The following USP49 variants were observed in gnomAD, a reference collection of about 807,000 sequenced individuals.
USP49 encodes ubiquitin carboxyl-terminal hydrolase 49.
A neutral mutation model predicts 58.6 loss-of-function variants in USP49; 24 were observed. The observed-to-expected ratio is 0.41, with a 90% CI of 0.30 to 0.58. The LOEUF (loss-of-function observed/expected upper bound fraction) is 0.58, where lower values mean the gene tolerates loss of function less well. Ranked by LOEUF, USP49 falls within the 20% of genes least tolerant of loss-of-function variation. The pLI, the probability that USP49 is intolerant of heterozygous loss-of-function variation, is 0.30. For synonymous variants in USP49, 408 were observed against 365.1 expected, an observed-to-expected ratio of 1.12 and a Z score of -1.34; for missense variants, 703 against 866.1, an observed-to-expected ratio of 0.81 and a Z score of 2.36.
Position 41,835,037 on chromosome 6 carries a change from G to A in USP49, c.-28-28026C>T, listed in dbSNP as rs78994491. ...AAAGAAGACTGATGATTCTTAAGGA[G>A]ATGAATCACTCTAAGCCCAAACCAC... On this transcript the variant is annotated intron_variant, in intron 3 of 7. Coordinates refer to ENST00000682992, the MANE Select transcript of USP49 (RefSeq NM_001286554.2). 4.7e-3 allele frequency among the ~76,000 whole-genome samples: 710 copies of A among 152,294 alleles called. 6 individuals carry two copies. The highest frequency in any genetic ancestry group is 0.02 in the Middle Eastern group (6 of 294).
chr6:41,830,433 C>T (rs1053838092), intron 3 of USP49, among the ~76,000 whole-genome samples: 1 of 152,172 alleles, frequency 6.6e-6, no homozygotes, highest in Admixed American at 6.5e-5. Context: ...TTAACCCCTA[C>T]AGAAATTCCA....
chr6:41,862,662 T>C (rs1774243396), intron 3 of USP49, among the ~76,000 whole-genome samples: 1 of 152,088 alleles, frequency 6.6e-6, no homozygotes, highest in Non-Finnish European at 1.5e-5. Flanking sequence ...TAATAGTGTA[T>C]GATATGTTTA....
chr6:41,810,129 G>GC (rs1405736179), intron 3 of USP49, among the ~76,000 whole-genome samples: 1 of 151,124 alleles, frequency 6.6e-6, no homozygotes, highest in Non-Finnish European at 1.5e-5. Flanking sequence ...TTCAGCCTGG[G>GC]CGACAGAGCA....
chr6:41,880,908 A>G (rs544875974), intron 2 of USP49, among the ~76,000 whole-genome samples: 18 of 152,102 alleles, frequency 1.2e-4, no homozygotes, highest in African/African-American at 4.1e-4. Flanking sequence ...AAGAACCTAC[A>G]CAGATTTTTA....
At chr6:41,818,922 G>C (rs1053670422) in intron 3 of USP49, among the ~76,000 whole-genome samples, 7 of 152,048 alleles carry the variant, frequency 4.6e-5, no homozygotes, top group African/African-American at 1.7e-4. Flanking sequence ...TGTACAATGA[G>C]ACTTACACAA....
rs368543169 is a variant in USP49 at position 41,792,421 on chromosome 6, G to A, written c.*4112C>T. 6.6e-6 allele frequency: 1 copy of A among 152,156 alleles called. No homozygotes were observed. The highest frequency in any genetic ancestry group is 2.4e-5 in the African/African-American group (1 of 41,438). The allele number at this position is 152,156 out of a possible 1,614,324, so 9.4% of individuals were successfully genotyped here. ...TCATTGTTTTGATAAAGACTAAAAGGCCTTTTCTCAACATTTGTGCTCTCC... is the reference window on the plus strand; with the variant it reads ...TCATTGTTTTGATAAAGACTAAAAGACCTTTTCTCAACATTTGTGCTCTCC... On this transcript the variant is annotated 3_prime_UTR_variant, in exon 8 of 8. Coordinates refer to ENST00000682992, the MANE Select transcript of USP49 (RefSeq NM_001286554.2).
intron 3 of USP49, among the ~76,000 whole-genome samples, chr6:41,828,578 AT>A (rs1773582511): frequency 6.6e-6 from 1 of 152,182 alleles, no homozygotes; most frequent in South Asian, 2.1e-4. Flanking sequence ...GCTGTTTTAT[AT>A]TTTTCATATT....
intron 2 of USP49, among the ~76,000 whole-genome samples, chr6:41,890,317 T>A (rs954234104): frequency 7.3e-5 from 11 of 150,700 alleles, no homozygotes; most frequent in African/African-American, 2.4e-4. Context: ...AGGCGGAGGT[T>A]GTAGTGAGCC....
chr6:41,860,355 A>C lies in USP49; in HGVS notation c.-29+11209T>G, dbSNP rs9471681. Among the ~76,000 whole-genome samples the C allele has an allele frequency of 6.4e-3, 969 of 152,292 alleles. 8 individuals are homozygous for C. The highest frequency in any genetic ancestry group is 0.02 in the African/African-American group (846 of 41,562). ...AATAATCAACTAATTGCAACATTTG[A>C]ACTTTACTGGAATCCTAATTCAAAT... On this transcript the variant is annotated intron_variant, in intron 3 of 7. Coordinates refer to ENST00000682992, the MANE Select transcript of USP49 (RefSeq NM_001286554.2).
intron 3 of USP49, among the ~76,000 whole-genome samples, chr6:41,862,664 A>T (rs1265131822): frequency 6.6e-6 from 1 of 152,144 alleles, no homozygotes; most frequent in Non-Finnish European, 1.5e-5. Context: ...ATAGTGTATG[A>T]TATGTTTACA....
chr6:41,849,657 G>A (rs1374563120), intron 3 of USP49, among the ~76,000 whole-genome samples: 4 of 151,332 alleles, frequency 2.6e-5, no homozygotes, highest in East Asian at 3.9e-4. Flanking sequence ...TGCCAGGCTG[G>A]AGTGCAGTGG....
intron 7 of USP49, chr6:41,798,507 C>A: frequency 7.3e-7 from 1 of 1,365,772 alleles, no homozygotes; most frequent in Middle Eastern, 2.4e-4. Context: ...AACTCCTGAC[C>A]TCAGGTGATC....
At chr6:41,834,010 C>T (rs1189643035) in intron 3 of USP49, among the ~76,000 whole-genome samples, 1 of 152,186 alleles carries the variant, frequency 6.6e-6, no homozygotes, top group Non-Finnish European at 1.5e-5. Context: ...TTAAACAAAG[C>T]TTTCACCTGT....
Position 41,797,763 on chromosome 6 carries a change from T to G in USP49, c.1876+961A>C, listed in dbSNP as rs370368214. Reference sequence around the variant, plus strand: ...AGAAGGAAACTGGGGTGTGCAGAAGTAGCATTACCACAAAACAGTAATATT... The same window carrying G: ...AGAAGGAAACTGGGGTGTGCAGAAGGAGCATTACCACAAAACAGTAATATT... On this transcript the variant is annotated intron_variant, in intron 7 of 7. Coordinates refer to ENST00000682992, the MANE Select transcript of USP49 (RefSeq NM_001286554.2). 5.5e-5 allele frequency: 54 copies of G among 985,898 alleles called. No homozygotes were observed. The Middle Eastern group carries it at 1.6e-3, about 29-fold the overall frequency. 61.1% of individuals were successfully genotyped at this position (985,898 alleles called of 1,614,324 possible). A position where few individuals can be genotyped will look rare whatever the true frequency, so the allele number is the denominator to read the frequency against.
At position 41,803,825 on chromosome 6, in the gene USP49, G is replaced by A. The variant is rs1467836837; in HGVS notation, c.1542C>T (p.Tyr514=). The change falls in exon 5 of 8, where the codon TAC becomes TAT. Residue 514 remains tyrosine (Y), a synonymous_variant. Transcript: ENST00000682992. The surrounding 1 kb of genome is among the most constrained non-coding windows in gnomAD (Gnocchi z 4.1). ...ACTCACTGTTACACTGGTCACAAGC[G>A]TAGATTCTCCCTTCCAGGGCCTCTG... ...TETEALEGRI[Y]ACDQCNSKRR... is the part of the protein sequence containing the mutation. 1 of 1,614,146 alleles carries A rather than the reference G, an allele frequency of 6.2e-7. No individual in the cohort carries two copies. Among genetic ancestry groups the A allele is most frequent in the Non-Finnish European group, 8.5e-7 (1 of 1,180,006 alleles).
Position 41,790,757 on chromosome 6 carries a change from A to G in USP49, c.*5776T>C, listed in dbSNP as rs1581983550. The G allele has an allele frequency of 2.0e-5, 3 of 152,328 alleles. No individual in the cohort carries two copies. The highest frequency in any genetic ancestry group is 6.8e-3 in the Middle Eastern group (2 of 294). 9.4% of individuals were successfully genotyped at this position (152,328 alleles called of 1,614,324 possible). A position where few individuals can be genotyped will look rare whatever the true frequency, so the allele number is the denominator to read the frequency against. ...TTAGATTTTTTTAGTATGTATATAAAAACAGCACCATTCTTTGTATAAATC... is the reference window on the plus strand; with the variant it reads ...TTAGATTTTTTTAGTATGTATATAAGAACAGCACCATTCTTTGTATAAATC... On this transcript the variant is annotated 3_prime_UTR_variant, in exon 8 of 8. Coordinates refer to ENST00000682992, the MANE Select transcript of USP49 (RefSeq NM_001286554.2).
At chr6:41,829,274 G>C (rs1392397182) in intron 3 of USP49, among the ~76,000 whole-genome samples, 1 of 151,714 alleles carries the variant, frequency 6.6e-6, no homozygotes, top group African/African-American at 2.4e-5. Context: ...CAACTTTGCA[G>C]AACTATTATT....
chr6:41,821,602 A>G (rs919775603), intron 3 of USP49, among the ~76,000 whole-genome samples: 2 of 152,092 alleles, frequency 1.3e-5, no homozygotes, highest in Non-Finnish European at 2.9e-5. Flanking sequence ...GTGAAACCCT[A>G]TCTCTTTTAA....
At chr6:41,875,818 G>T (rs1310345408) in intron 2 of USP49, among the ~76,000 whole-genome samples, 2 of 151,972 alleles carry the variant, frequency 1.3e-5, no homozygotes, top group African/African-American at 2.4e-5. Context: ...TGCAACCTCC[G>T]CCTCCCGGGT....
Sources: allele counts gnomAD v4.1 joint callset (sites outside exome capture counted in the v4.1 genomes callset), GRCh38; gene constraint gnomAD v4.1.1; non-coding constraint Gnocchi (gnomAD v3.1); transcripts MANE v1.5; gene names NCBI Gene and HGNC (gene_info 2026-07-23, HGNC 2026-07-21).